Variants in RELN observed in about 807,000 individuals in gnomAD.
The protein encoded by RELN is reelin.
A neutral mutation model predicts 427.6 loss-of-function variants in RELN; 108 were observed. The ratio of observed to expected loss-of-function variants is 0.25; its 90% CI spans 0.22 to 0.30. The LOEUF is 0.30. Among genes scored for constraint, RELN ranks in the 10% least tolerant of loss-of-function variants. The probability of loss-of-function intolerance (pLI) is 1.00; values close to 1 mark genes in which losing one functional copy is unlikely to be tolerated. For missense variants in RELN, 3,715 were observed against 4,302.8 expected, an observed-to-expected ratio of 0.86 and a Z score of 3.82; for synonymous variants, 1,524 against 1,513.4, an observed-to-expected ratio of 1.01 and a Z score of -0.16.
At chr7:103,727,522 C>T (rs374960704) in intron 7 of RELN, among the ~76,000 whole-genome samples, 1 of 152,120 alleles carries the variant, frequency 6.6e-6, no homozygotes, top group Non-Finnish European at 1.5e-5. Context: ...ATTTTGAATG[C>T]TCATGTTTCA....
intron 3 of RELN, among the ~76,000 whole-genome samples, chr7:103,785,710 T>C (rs1363036749): frequency 1.3e-5 from 2 of 152,108 alleles, no homozygotes; most frequent in African/African-American, 2.4e-5. Context: ...TTTTCTGAGA[T>C]AGGACTAGAA....
chr7:103,602,873 CA>C (rs1184316339), intron 24 of RELN, among the ~76,000 whole-genome samples: 7 of 152,150 alleles, frequency 4.6e-5, no homozygotes, highest in Non-Finnish European at 1.0e-4. Context: ...TGGATGGAAA[CA>C]GGCAATCTGG....
At position 103,557,028 on chromosome 7, in the gene RELN, T is replaced by G. The variant is rs768731886; in HGVS notation, c.5746A>C (p.Thr1916Pro). The G allele has an allele frequency of 6.8e-6, 11 of 1,613,796 alleles. No homozygotes were observed. The African/African-American group carries it at 1.5e-4, about 22-fold the overall frequency. The change falls in exon 38 of 65, where the codon ACT becomes CCT. Residue 1916 changes from threonine to proline, a missense_variant. Coordinates refer to ENST00000428762, the MANE Select transcript of RELN (RefSeq NM_005045.4). ...AATCTTGTAGCATTGGTTTGGGCAG[T>G]GTATGGCAAGGGAACATTGATGAAA... ...ILFINVPLPYTAQTNATRFRL... is the reference protein window; with the variant it reads ...ILFINVPLPYPAQTNATRFRL...
At chr7:103,482,822 AT>A (rs1562841261) in intron 63 of RELN, 50 bp downstream of exon 63, 1 of 1,613,834 alleles carries the variant, frequency 6.2e-7, no homozygotes, top group South Asian at 1.1e-5. Flanking sequence ...TATCAAAGGA[AT>A]TTCAAACCTT....
chr7:103,769,359 G>C (rs935370158), intron 4 of RELN, among the ~76,000 whole-genome samples: 2 of 152,126 alleles, frequency 1.3e-5, no homozygotes, highest in African/African-American at 2.4e-5. Flanking sequence ...CTTCCACCAC[G>C]TGAGGATACA....
At chr7:103,588,172 G>A (rs777989534) in intron 28 of RELN, among the ~76,000 whole-genome samples, 13 of 152,056 alleles carry the variant, frequency 8.5e-5, no homozygotes, top group Non-Finnish European at 1.9e-4. Context: ...TATACACAAT[G>A]AAATACTATT....
At chr7:103,814,684 T>C (rs262372) in intron 3 of RELN, among the ~76,000 whole-genome samples, 77,520 of 151,650 alleles carry the variant, frequency 0.51, 20,110 homozygotes, top group Admixed American at 0.6. Flanking sequence ...CAGAGGATCA[T>C]GGAGTGAAGG....
intron 4 of RELN, among the ~76,000 whole-genome samples, chr7:103,760,751 T>TATTAA: frequency 6.6e-6 from 1 of 152,314 alleles, no homozygotes; most frequent in South Asian, 2.1e-4. Context: ...TCAAAGGCCC[T>TATTAA]AGGTAGTTTT....
intron 20 of RELN, among the ~76,000 whole-genome samples, chr7:103,628,827 TAC>T (rs1173956528): frequency 2.6e-5 from 4 of 152,224 alleles, no homozygotes; most frequent in African/African-American, 9.6e-5. Context: ...AGGGGCAGTA[TAC>T]ACAGTGGTGA....
At chr7:103,901,966 T>C (rs942534325) in intron 2 of RELN, among the ~76,000 whole-genome samples, 6 of 152,064 alleles carry the variant, frequency 3.9e-5, no homozygotes, top group Non-Finnish European at 8.8e-5. Context: ...TTTTTTTATA[T>C]TGCAGTACTA....
intron 6 of RELN, among the ~76,000 whole-genome samples, chr7:103,740,789 G>A (rs931907202): frequency 3.3e-5 from 5 of 152,142 alleles, no homozygotes; most frequent in Non-Finnish European, 7.4e-5. Context: ...GACATAACTA[G>A]TTTCTTAATT....
At chr7:103,666,072 TA>T (rs1333479248) in intron 11 of RELN, among the ~76,000 whole-genome samples, 2 of 152,064 alleles carry the variant, frequency 1.3e-5, no homozygotes, top group Non-Finnish European at 2.9e-5. Context: ...TTTATTTATT[TA>T]TTTTTTTTGA....
chr7:103,920,567 G>GTTTTTTTT (rs530809994), intron 1 of RELN, among the ~76,000 whole-genome samples: 9 of 134,240 alleles, frequency 6.7e-5, no homozygotes, highest in African/African-American at 2.3e-4. Flanking sequence ...CCAGTCTTTG[G>GTTTTTTTT]TTTTTTTTTT....
At chr7:103,865,002 G>A (rs1373468856) in intron 2 of RELN, among the ~76,000 whole-genome samples, 2 of 151,620 alleles carry the variant, frequency 1.3e-5, no homozygotes, top group Non-Finnish European at 2.9e-5. Flanking sequence ...ATGGTGGCAG[G>A]CACCTGTAAT....
Position 103,652,741 on chromosome 7 carries a change from C to G in RELN, c.1573G>C (p.Val525Leu), listed in dbSNP as rs1300399283. The change falls in exon 14 of 65, where the codon GTG becomes CTG. Residue 525 changes from valine to leucine, a missense_variant. This residue lies in a region of RELN where 2,208 missense variants were observed against 2,361.7 expected (regional missense o/e 0.93). Transcript: ENST00000428762. ...GTCTGAAGTTCAGGATTGATGACCA[C>G]AGAAACCAAAGACGGAACCTTTCAA... ...SSYKVPSLVSVVINPELQTPA... is the reference protein window; with the variant it reads ...SSYKVPSLVSLVINPELQTPA... 2 of 1,612,722 alleles carry G rather than the reference C, an allele frequency of 1.2e-6. No homozygotes were observed. The highest frequency in any genetic ancestry group is 4.5e-5 in the East Asian group (2 of 44,794).
rs1195137348 is a variant in RELN at position 103,989,538 on chromosome 7, C to A, written c.-182G>T. On this transcript the variant is annotated 5_prime_UTR_variant, in exon 1 of 65. Transcript: ENST00000428762. The surrounding 1 kb of genome is among the most constrained non-coding windows in gnomAD (Gnocchi z 4.9). Reference sequence around the variant, plus strand: ...CGAGAAGTTCCGCGGGAGACGGCGGCTCCCAAAGTTACTTTGGGCCGCGGG... The same window carrying A: ...CGAGAAGTTCCGCGGGAGACGGCGGATCCCAAAGTTACTTTGGGCCGCGGG... 4.0e-6 allele frequency: 2 copies of A among 496,674 alleles called. No homozygotes were observed. The highest frequency in any genetic ancestry group is 4.1e-5 in the African/African-American group (2 of 48,544). The allele number at this position is 496,674 out of a possible 1,614,324, so 30.8% of individuals were successfully genotyped here. A position where few individuals can be genotyped will look rare whatever the true frequency, so the allele number is the denominator to read the frequency against.
chr7:103,763,185 A>C, intron 4 of RELN, among the ~76,000 whole-genome samples: 1 of 152,338 alleles, frequency 6.6e-6, no homozygotes, highest in African/African-American at 2.4e-5. Context: ...AGTAAAGTTC[A>C]TCAATGAAAA....
At chr7:103,747,157 G>A (rs584940) in intron 6 of RELN, among the ~76,000 whole-genome samples, 34,258 of 151,148 alleles carry the variant, frequency 0.23, 5,289 homozygotes, top group African/African-American at 0.44. Flanking sequence ...GCAAACTATC[G>A]CAAGGACAAA....
chr7:103,939,669 G>A (rs1243078949), intron 1 of RELN, among the ~76,000 whole-genome samples: 1 of 152,160 alleles, frequency 6.6e-6, no homozygotes, highest in Non-Finnish European at 1.5e-5. Context: ...CACACAGCCA[G>A]AGATTTATGT....
Sources: allele counts gnomAD v4.1 joint callset (sites outside exome capture counted in the v4.1 genomes callset), GRCh38; gene constraint gnomAD v4.1.1; regional missense constraint gnomAD v4.1.1; non-coding constraint Gnocchi (gnomAD v3.1); transcripts MANE v1.5; gene names NCBI Gene and HGNC (gene_info 2026-07-23, HGNC 2026-07-21).